The following WDR70 variants were observed in gnomAD, a reference collection of about 807,000 sequenced individuals.
WDR70 encodes the protein WD repeat-containing protein 70.
A neutral mutation model predicts 88.6 loss-of-function variants in WDR70; 53 were observed. That is an observed-to-expected ratio of 0.60 (90% CI 0.48 to 0.75). The LOEUF (loss-of-function observed/expected upper bound fraction) is 0.75. WDR70 is among the 30% of genes least tolerant of loss of function. The pLI, the probability that WDR70 is intolerant of heterozygous loss-of-function variation, is 0.00. For missense variants in WDR70, 610 were observed against 823.2 expected (o/e 0.74, Z 3.17); for synonymous variants, 280 against 270.0 (o/e 1.04, Z -0.36).
intron 17 of WDR70, among the ~76,000 whole-genome samples, chr5:37,746,091 C>T (rs939182401): frequency 4.6e-5 from 7 of 152,122 alleles, no homozygotes; most frequent in African/African-American, 9.7e-5. Context: ...GACCTCAGTG[C>T]GGTCAAATTA....
rs187237486 is a variant in WDR70, at chr5:37,474,178, G to T, written c.687-5656G>T. ...AATTTATTTGTAACAGTTCCACTAG[G>T]ATTAGAGAACATATGCTATATGATT... On this transcript the variant is annotated intron_variant, in intron 7 of 17. Transcript: ENST00000265107. 5.6e-3 allele frequency among the ~76,000 whole-genome samples: 853 copies of T among 152,252 alleles called. 4 individuals are homozygous for T. The highest frequency in any genetic ancestry group is 0.017 in the Middle Eastern group (5 of 294).
intron 7 of WDR70, among the ~76,000 whole-genome samples, chr5:37,472,396 T>G (rs570519153): frequency 6.6e-5 from 10 of 152,212 alleles, no homozygotes; most frequent in African/African-American, 2.2e-4. Flanking sequence ...GTATGTTTCT[T>G]TTTTGTTTTA....
intron 17 of WDR70, among the ~76,000 whole-genome samples, chr5:37,745,244 C>T (rs138244881): frequency 8.6e-5 from 13 of 152,030 alleles, no homozygotes; most frequent in East Asian, 5.8e-4. Flanking sequence ...TTTGTTACCA[C>T]GAGGCCTGCA....
At chr5:37,724,763 C>A in intron 15 of WDR70, 171 bp from the exon 16 acceptor site, 1 of 649,768 alleles carries the variant, frequency 1.5e-6, no homozygotes, top group Non-Finnish European at 2.7e-6. Context: ...ACCAGTGAGT[C>A]TGGTCTCAAG....
intron 9 of WDR70, among the ~76,000 whole-genome samples, chr5:37,576,354 G>A (rs1743051107): frequency 6.6e-6 from 1 of 151,824 alleles, no homozygotes; most frequent in African/African-American, 2.4e-5. Context: ...TCTAAGGCAA[G>A]ATAATAGCTC....
At chr5:37,411,044 G>A (rs1260262435) in intron 5 of WDR70, among the ~76,000 whole-genome samples, 1 of 152,192 alleles carries the variant, frequency 6.6e-6, no homozygotes, top group African/African-American at 2.4e-5. Context: ...ATCAGAAAAA[G>A]TTGTAGTTTT....
At chr5:37,388,337 C>T (rs190739528) in intron 3 of WDR70, among the ~76,000 whole-genome samples, 2,757 of 149,522 alleles carry the variant, frequency 0.018, 40 homozygotes, top group Non-Finnish European at 0.027. Flanking sequence ...AGGCCGGTCT[C>T]GAACTCCTGA....
At chr5:37,673,964 C>T (rs1202220757) in intron 10 of WDR70, among the ~76,000 whole-genome samples, 1 of 152,022 alleles carries the variant, frequency 6.6e-6, no homozygotes, top group Non-Finnish European at 1.5e-5. Flanking sequence ...ATTTTTATGG[C>T]TACACAGTAT....
intron 5 of WDR70, among the ~76,000 whole-genome samples, chr5:37,406,411 G>A (rs919392765): frequency 4.6e-5 from 7 of 152,176 alleles, no homozygotes; most frequent in African/African-American, 1.7e-4. Flanking sequence ...GTAGAAAAAG[G>A]AGCAAAATAC....
intron 17 of WDR70, among the ~76,000 whole-genome samples, chr5:37,746,623 A>G (rs1415915691): frequency 6.6e-6 from 1 of 152,176 alleles, no homozygotes; most frequent in East Asian, 1.9e-4. Flanking sequence ...AACTACCATC[A>G]GAGAATACTA....
intron 17 of WDR70, among the ~76,000 whole-genome samples, chr5:37,735,804 G>C (rs1193207283): frequency 6.6e-6 from 1 of 152,128 alleles, no homozygotes; most frequent in African/African-American, 2.4e-5. Flanking sequence ...ATTGACTTCT[G>C]TCAGTGATGA....
At chr5:37,401,733 C>T (rs921730753) in intron 5 of WDR70, among the ~76,000 whole-genome samples, 18 of 152,198 alleles carry the variant, frequency 1.2e-4, no homozygotes, top group Admixed American at 2.0e-4. Context: ...GTTGGTATTA[C>T]AGACGTGAGT....
intron 10 of WDR70, among the ~76,000 whole-genome samples, chr5:37,648,352 T>C (rs1209458530): frequency 6.6e-6 from 1 of 152,162 alleles, no homozygotes; most frequent in African/African-American, 2.4e-5. Flanking sequence ...AAAGACACCA[T>C]ACCATGTCTT....
chr5:37,726,978 G>A lies in WDR70; in HGVS notation c.1810G>A (p.Glu604Lys), dbSNP rs1747989735. The A allele has an allele frequency of 6.2e-7, 1 of 1,611,248 alleles. No homozygotes were observed. The highest frequency in any genetic ancestry group is 8.5e-7 in the Non-Finnish European group (1 of 1,178,768). ...LDKTDDSNPR[E>K]AILRHAKAAE... ...CAAGACCGATGACAGTAATCCTCGGGAAGCCATTTTGCGTCATGCCAAAGC... is the reference window on the plus strand; with the variant it reads ...CAAGACCGATGACAGTAATCCTCGGAAAGCCATTTTGCGTCATGCCAAAGC... The change falls in exon 17 of 18, where the codon GAA becomes AAA. Residue 604 changes from glutamate to lysine, a missense_variant. This residue lies in a region of WDR70 where 70 missense variants were observed against 139.2 expected (regional missense o/e 0.50). Coordinates refer to ENST00000265107, the MANE Select transcript of WDR70 (RefSeq NM_018034.4).
chr5:37,554,663 C>T (rs376951515), intron 9 of WDR70, among the ~76,000 whole-genome samples: 10 of 135,924 alleles, frequency 7.4e-5, no homozygotes, highest in South Asian at 2.4e-4. Flanking sequence ...TACTCACACA[C>T]GCATGCACCT....
intron 4 of WDR70, among the ~76,000 whole-genome samples, chr5:37,393,250 C>T (rs1229094293): frequency 6.6e-6 from 1 of 152,030 alleles, no homozygotes; most frequent in Non-Finnish European, 1.5e-5. Flanking sequence ...CCATGTTGGC[C>T]AGGCTGGTCT....
At chr5:37,499,397 G>T (rs1427635970) in intron 8 of WDR70, among the ~76,000 whole-genome samples, 1 of 150,966 alleles carries the variant, frequency 6.6e-6, no homozygotes. Flanking sequence ...TACAGGTATG[G>T]GCCACCACAC....
intron 3 of WDR70, among the ~76,000 whole-genome samples, chr5:37,387,069 A>C (rs1418658369): frequency 6.6e-6 from 1 of 151,362 alleles, no homozygotes; most frequent in African/African-American, 2.4e-5. Flanking sequence ...ATTGCACTCC[A>C]GCCTGGGCGA....
chr5:37,644,755 A>T (rs1745189559), intron 10 of WDR70, among the ~76,000 whole-genome samples: 1 of 151,940 alleles, frequency 6.6e-6, no homozygotes, highest in Non-Finnish European at 1.5e-5. Context: ...TTTCCAATTT[A>T]TTATATAATT....
Sources: allele counts gnomAD v4.1 joint callset (sites outside exome capture counted in the v4.1 genomes callset), GRCh38; gene constraint gnomAD v4.1.1; regional missense constraint gnomAD v4.1.1; transcripts MANE v1.5; gene names NCBI Gene and HGNC (gene_info 2026-07-23, HGNC 2026-07-21).